The following CC2D2A variants were observed in gnomAD, a reference collection of about 807,000 sequenced individuals.
CC2D2A encodes coiled-coil and C2 domain-containing protein 2A.
Under a neutral mutation model 212.9 loss-of-function variants are expected in CC2D2A, and 155 were observed. The observed-to-expected ratio is 0.73, with a 90% CI of 0.64 to 0.83. The LOEUF (loss-of-function observed/expected upper bound fraction) is 0.83. CC2D2A is among the 40% of genes least tolerant of loss of function. The pLI, the probability that CC2D2A is intolerant of heterozygous loss-of-function variation, is 0.00. For synonymous variants in CC2D2A, 667 were observed against 686.5 expected, an observed-to-expected ratio of 0.97 and a Z score of 0.44; for missense variants, 1,856 against 1,956.2, an observed-to-expected ratio of 0.95 and a Z score of 0.97.
intron 23 of CC2D2A, among the ~76,000 whole-genome samples, chr4:15,561,390 G>A (rs1719591211): frequency 6.6e-6 from 1 of 152,060 alleles, no homozygotes; most frequent in Non-Finnish European, 1.5e-5. Context: ...GCAATCCATA[G>A]CAGCCCCTTT....
chr4:15,478,915 C>A, intron 3 of CC2D2A, 109 bp downstream of exon 3: 1 of 946,716 alleles, frequency 1.1e-6, no homozygotes, highest in Non-Finnish European at 1.6e-6. Flanking sequence ...CTTTTGGTAC[C>A]AACTTTTGGC....
intron 17 of CC2D2A, among the ~76,000 whole-genome samples, chr4:15,542,646 C>G (rs932794779): frequency 7.9e-5 from 12 of 152,180 alleles, no homozygotes; most frequent in Admixed American, 7.9e-4. Flanking sequence ...TCTGTACTGA[C>G]TGATAAATAG....
At position 15,550,835 on chromosome 4, in the gene CC2D2A, T is replaced by G. The variant is rs1446627876; in HGVS notation, c.2193T>G (p.Thr731=). The G allele has an allele frequency of 7.0e-6, 11 of 1,564,880 alleles. No homozygotes were observed. Among genetic ancestry groups the G allele is most frequent in the Non-Finnish European group, 9.6e-6 (11 of 1,143,810 alleles). ...TCTCTGGTTTTCAGGTCTATGAAAC[T>G]GTCGGACACAGTAGTCCCACCTTGC... ...PESLTLQVYE[T]VGHSSPTLLA... is the part of the protein sequence containing the mutation. Residue 731 remains threonine, a synonymous_variant, in exon 18 of 37, where the codon ACT becomes ACG. Transcript: ENST00000424120.
intron 17 of CC2D2A, among the ~76,000 whole-genome samples, 186 bp downstream of exon 17, chr4:15,541,200 T>TC (rs1276755058): frequency 1.3e-5 from 2 of 151,546 alleles, no homozygotes; most frequent in Non-Finnish European, 2.9e-5. Context: ...GTGCCTGTAA[T>TC]CCCAGCTACT....
At chr4:15,506,844 C>T (rs953561785) in intron 6 of CC2D2A, among the ~76,000 whole-genome samples, 7 of 151,758 alleles carry the variant, frequency 4.6e-5, no homozygotes, top group African/African-American at 1.2e-4. Context: ...GAGGCTGAGG[C>T]GGGCGGATCA....
rs1296652053 is a variant in CC2D2A at position 15,510,241 on chromosome 4, G to A, written c.540+1G>A. 1 of 1,605,288 alleles carries A rather than the reference G, an allele frequency of 6.2e-7. No individual in the cohort carries two copies. Among genetic ancestry groups the A allele is most frequent in the Admixed American group, 1.7e-5 (1 of 57,918 alleles). On this transcript the variant is annotated splice_donor_variant, in intron 7 of 36. Transcript: ENST00000424120. LOFTEE classifies it high-confidence loss of function. ...ACGAAAAATCAAGCCTAAACCCCAG[G>A]TGAGAAATCTTGTTTTTTAAAATCA... is the stretch of plus-strand genomic sequence containing the variant.
At position 15,502,860 on chromosome 4, in the gene CC2D2A, T is replaced by TGCAG; in HGVS notation, c.375_376insGCAG (p.Pro126AlafsTer12). The TGCAG allele has an allele frequency of 1.9e-6, 3 of 1,611,888 alleles. No homozygotes were observed. Among genetic ancestry groups the TGCAG allele is most frequent in the Non-Finnish European group, 2.5e-6 (3 of 1,179,160 alleles). ...GTGCATTGCTGCAGGAAATCCCCAC[T>TGCAG]CCTCGGCCCAGACGCTTACGAAGTC... On this transcript the variant is annotated frameshift_variant, in exon 6 of 37. Coordinates refer to ENST00000424120, the MANE Select transcript of CC2D2A (RefSeq NM_001378615.1). LOFTEE classifies it high-confidence loss of function.
chr4:15,547,047 A>G (rs577899507), intron 17 of CC2D2A, among the ~76,000 whole-genome samples: 82 of 152,350 alleles, frequency 5.4e-4, no homozygotes, highest in Middle Eastern at 3.4e-3. Context: ...TTTCTCTGAC[A>G]AAATGACAGG....
intron 7 of CC2D2A, among the ~76,000 whole-genome samples, chr4:15,511,016 G>A (rs1304189931): frequency 6.6e-6 from 1 of 152,184 alleles, no homozygotes; most frequent in Non-Finnish European, 1.5e-5. Context: ...AATAATTGCT[G>A]GGGTTTTTTA....
intron 4 of CC2D2A, among the ~76,000 whole-genome samples, chr4:15,501,002 T>C (rs1715915675): frequency 6.6e-6 from 1 of 152,014 alleles, no homozygotes; most frequent in South Asian, 2.1e-4. Context: ...CACTCCAACA[T>C]CTCCCAGTCT....
chr4:15,497,292 C>G (rs1224530913), intron 4 of CC2D2A, among the ~76,000 whole-genome samples: 1 of 152,062 alleles, frequency 6.6e-6, no homozygotes, highest in Admixed American at 6.6e-5. Flanking sequence ...CATTTTTGTT[C>G]CTGAAGTCAA....
At chr4:15,522,566 G>C (rs1167040987) in intron 11 of CC2D2A, among the ~76,000 whole-genome samples, 1 of 150,680 alleles carries the variant, frequency 6.6e-6, no homozygotes, top group Non-Finnish European at 1.5e-5. Flanking sequence ...GAAATATTCT[G>C]TTCCTAATAT....
intron 1 of CC2D2A, among the ~76,000 whole-genome samples, chr4:15,474,499 A>C (rs1055011079): frequency 1.3e-5 from 2 of 152,202 alleles, no homozygotes; most frequent in African/African-American, 4.8e-5. Context: ...AAAAAATAGA[A>C]AGAATGAATG....
At chr4:15,530,255 G>A (rs1282713084) in intron 13 of CC2D2A, among the ~76,000 whole-genome samples, 1 of 152,216 alleles carries the variant, frequency 6.6e-6, no homozygotes, top group Non-Finnish European at 1.5e-5. Context: ...ACAGGCGTGA[G>A]CCACCGCGCC....
At chr4:15,479,355 C>T (rs1435287420) in intron 3 of CC2D2A, 10 of 1,493,484 alleles carry the variant, frequency 6.7e-6, no homozygotes, top group Non-Finnish European at 9.0e-6. Context: ...AAGTTGTCCT[C>T]TGAGAAGGGA....
chr4:15,556,371 A>C (rs551952174), intron 20 of CC2D2A, among the ~76,000 whole-genome samples: 2 of 152,284 alleles, frequency 1.3e-5, no homozygotes, highest in South Asian at 4.1e-4. Context: ...TATCTTTATA[A>C]ACTCTCCTAA....
intron 14 of CC2D2A, 103 bp downstream of exon 14, chr4:15,533,436 T>A: frequency 1.3e-6 from 1 of 791,252 alleles, no homozygotes; most frequent in Non-Finnish European, 1.9e-6. Context: ...CAAATATGCA[T>A]GTAACCACTT....
chr4:15,570,467 C>T lies in CC2D2A; in HGVS notation c.3565C>T (p.Pro1189Ser), dbSNP rs779268374. 1.6e-5 allele frequency: 26 copies of T among 1,605,798 alleles called. No homozygotes were observed. In the South Asian group the frequency reaches 2.9e-4, roughly 18 times the overall value. ...ACACTGGCTGGGATGTGTGAAAATG[C>T]CATTTAGCACAATATATTTCCAAGC... is the stretch of plus-strand genomic sequence containing the variant. ...ERHWLGCVKM[P>S]FSTIYFQARI... Residue 1189 changes from proline to serine, a missense_variant, in exon 28 of 37, where the codon CCA becomes TCA. Transcript: ENST00000424120.
chr4:15,522,176 G>A (rs113757430), intron 11 of CC2D2A, among the ~76,000 whole-genome samples: 1,617 of 152,306 alleles, frequency 0.011, 32 homozygotes, highest in African/African-American at 0.037. Context: ...ACGCCAGCTT[G>A]GTTGACAGAG....
Sources: gnomAD v4.1 joint callset for allele counts (sites outside exome capture counted in the v4.1 genomes callset) on GRCh38, gnomAD v4.1.1 for gene constraint, MANE v1.5 for transcripts, NCBI Gene and HGNC (gene_info 2026-07-23, HGNC 2026-07-21) for gene names.